Variants in PRELID2 observed in about 807,000 individuals in gnomAD.
PRELID2 encodes the protein PRELI domain-containing protein 2.
Under a neutral mutation model 28.4 loss-of-function variants are expected in PRELID2, and 25 were observed. That is an observed-to-expected ratio of 0.88 (90% CI 0.64 to 1.23). The LOEUF (loss-of-function observed/expected upper bound fraction) is 1.23. PRELID2 is among the 50% of genes most tolerant of loss of function. The probability of loss-of-function intolerance (pLI) is 0.00; values close to 1 mark genes in which losing one functional copy is unlikely to be tolerated. For missense variants in PRELID2, 201 were observed against 214.4 expected, an observed-to-expected ratio of 0.94 and a Z score of 0.39; for synonymous variants, 76 against 71.6, an observed-to-expected ratio of 1.06 and a Z score of -0.31.
chr5:145,232,320 C>T, the PRELID2 span, among the ~76,000 whole-genome samples: 2 of 152,034 alleles, frequency 1.3e-5, 1 homozygote, highest in African/African-American at 4.8e-5. Context: ...TTGTTATGCC[C>T]ACTTGACAAA....
Position 145,612,007 on chromosome 5 carries a change from T to C in PRELID2, n.71-138692A>G, listed in dbSNP as rs74397354. The stretch of plus-strand genomic sequence containing the variant: ...ACAGACCCATGAACAAATAACACTT[T>C]GTATCTAAGATGATAATGCAGAGCA... On this transcript the variant is annotated intron_variant and non_coding_transcript_variant, in intron 1 of 2. Coordinates refer to the PRELID2 transcript ENST00000510259. Among the ~76,000 whole-genome samples the C allele has an allele frequency of 4.8e-3, 724 of 152,298 alleles. 1 individual carries two copies. Among genetic ancestry groups the C allele is most frequent in the African/African-American group, 0.017 (698 of 41,572 alleles).
intron 1 of PRELID2, among the ~76,000 whole-genome samples, chr5:145,659,681 G>T (rs1026855953): frequency 6.6e-6 from 1 of 152,182 alleles, no homozygotes; most frequent in Admixed American, 6.5e-5. Flanking sequence ...TAAGCTTTGT[G>T]GAGGGAGATA....
intron 1 of PRELID2, among the ~76,000 whole-genome samples, chr5:145,519,587 A>T (rs1752546484): frequency 6.6e-6 from 1 of 152,206 alleles, no homozygotes; most frequent in African/African-American, 2.4e-5. Context: ...ATGAGGCTTT[A>T]TTAGCCATAT....
chr5:145,817,802 G>T, intron 4 of PRELID2, 92 bp downstream of exon 4: 2 of 1,048,318 alleles, frequency 1.9e-6, no homozygotes, highest in Non-Finnish European at 2.6e-6. Flanking sequence ...ATAAACAGTG[G>T]TCATAAGTAT....
the PRELID2 span, among the ~76,000 whole-genome samples, chr5:145,399,880 C>T: frequency 3.5e-4 from 54 of 152,212 alleles, 1 homozygote; most frequent in African/African-American, 1.3e-3. Flanking sequence ...GTAGAACCAA[C>T]GTACCTCATG....
At chr5:145,797,697 CA>C (rs1431144287) in intron 4 of PRELID2, among the ~76,000 whole-genome samples, 1 of 151,988 alleles carries the variant, frequency 6.6e-6, no homozygotes, top group Non-Finnish European at 1.5e-5. Context: ...GAGAGGCCCC[CA>C]GAATCTCAAG....
chr5:145,545,294 A>G (rs1485630806), intron 1 of PRELID2, among the ~76,000 whole-genome samples: 6 of 152,086 alleles, frequency 3.9e-5, no homozygotes, highest in African/African-American at 9.7e-5. Flanking sequence ...AATTTTTAGG[A>G]TCATCTAGTC....
the PRELID2 span, among the ~76,000 whole-genome samples, chr5:145,244,378 G>A: frequency 1.3e-5 from 2 of 152,042 alleles, no homozygotes; most frequent in East Asian, 3.9e-4. Context: ...CCTATTCCAA[G>A]TATTTAGCAA....
chr5:145,495,735 T>G (rs1752304543), intron 1 of PRELID2, among the ~76,000 whole-genome samples: 1 of 152,232 alleles, frequency 6.6e-6, no homozygotes, highest in South Asian at 2.1e-4. Context: ...GCATTTAGCT[T>G]AATGCATTAA....
chr5:145,678,630 T>C (rs1413151384), intron 1 of PRELID2, among the ~76,000 whole-genome samples: 4 of 152,154 alleles, frequency 2.6e-5, no homozygotes, highest in African/African-American at 7.2e-5. Flanking sequence ...GGCCAATTAA[T>C]AAATAAAATA....
intron 1 of PRELID2, among the ~76,000 whole-genome samples, chr5:145,539,327 G>A (rs944261769): frequency 6.6e-6 from 1 of 152,028 alleles, no homozygotes; most frequent in East Asian, 1.9e-4. Context: ...TGTGCAACAC[G>A]CCATTTACGT....
rs377399495 is a variant in PRELID2 at position 145,749,454 on chromosome 5, T to C, written n.70+15477A>G. Among the ~76,000 whole-genome samples the C allele has an allele frequency of 5.5e-4, 83 of 152,218 alleles. 2 individuals carry two copies. The South Asian group carries it at 0.017, about 31-fold the overall frequency. On this transcript the variant is annotated intron_variant and non_coding_transcript_variant, in intron 1 of 2. Coordinates refer to the PRELID2 transcript ENST00000510259. ...AGTCAGAATGGTGACTATTAAAAAG[T>C]CAAGAAACAATAGATGCTGGTGAGG... is the stretch of plus-strand genomic sequence containing the variant.
At chr5:145,538,325 T>A (rs1752719283) in intron 1 of PRELID2, among the ~76,000 whole-genome samples, 1 of 151,930 alleles carries the variant, frequency 6.6e-6, no homozygotes, top group African/African-American at 2.4e-5. Flanking sequence ...CTTTGCATAC[T>A]TGGGGTCCTT....
At position 145,771,873 on chromosome 5, in the gene PRELID2, G is replaced by C. The variant is rs531081521; in HGVS notation, c.475-6873C>G. Among the ~76,000 whole-genome samples the C allele has an allele frequency of 1.4e-4, 22 of 152,138 alleles. No individual in the cohort carries two copies. In the South Asian group the frequency reaches 1.7e-3, roughly 11 times the overall value. On this transcript the variant is annotated intron_variant, in intron 5 of 6. Transcript: ENST00000683046. ...TCCATCTCAAAAAAAAAGCAAGAAA[G>C]AAAATGGATGGGAGTGGGAACTGCA...
chr5:145,600,389 A>G (rs1300359877), intron 1 of PRELID2, among the ~76,000 whole-genome samples: 2 of 148,020 alleles, frequency 1.4e-5, no homozygotes, highest in Non-Finnish European at 3.0e-5. Context: ...CAGTAAGTGC[A>G]TCCAAAAGGC....
At chr5:145,312,208 G>C in the PRELID2 span, among the ~76,000 whole-genome samples, 59,296 of 150,924 alleles carry the variant, frequency 0.39, 12,051 homozygotes, top group African/African-American at 0.48. Context: ...AAAAAAATTA[G>C]GTGGGCATGG....
chr5:145,493,268 C>T (rs1160688288), intron 1 of PRELID2, among the ~76,000 whole-genome samples: 3 of 152,144 alleles, frequency 2.0e-5, no homozygotes. Context: ...CCCTCGCTGC[C>T]TATGTCCAGA....
the PRELID2 span, among the ~76,000 whole-genome samples, chr5:145,353,504 G>A: frequency 6.6e-6 from 1 of 152,016 alleles, no homozygotes; most frequent in Non-Finnish European, 1.5e-5. Context: ...CCTGAGACCG[G>A]GTAATTTGTA....
At chr5:145,531,251 T>C (rs1029138614) in intron 1 of PRELID2, among the ~76,000 whole-genome samples, 1 of 152,146 alleles carries the variant, frequency 6.6e-6, no homozygotes, top group Non-Finnish European at 1.5e-5. Context: ...GATTCCCCCC[T>C]TGAGTTGTTA....
Sources: allele counts gnomAD v4.1 joint callset (sites outside exome capture counted in the v4.1 genomes callset), GRCh38; gene constraint gnomAD v4.1.1; transcripts MANE v1.5; gene names NCBI Gene and HGNC (gene_info 2026-07-23, HGNC 2026-07-21).